Variants in TXNRD2 observed in about 807,000 individuals in gnomAD.
TXNRD2 encodes the protein thioredoxin reductase 2, mitochondrial.
A neutral mutation model predicts 70.8 loss-of-function variants in TXNRD2; 67 were observed. The observed-to-expected ratio is 0.95, with a 90% confidence interval of 0.78 to 1.16. TXNRD2 has a LOEUF of 1.16. Ranked by LOEUF, TXNRD2 falls within the 50% of genes most tolerant of loss-of-function variation. TXNRD2 has a pLI of 0.00. For synonymous variants in TXNRD2, 301 were observed against 295.8 expected (o/e 1.02, Z -0.18); for missense variants, 644 against 719.9 (o/e 0.89, Z 1.21).
chr22:19,905,336 A>G (rs1450909187), intron 8 of TXNRD2, among the ~76,000 whole-genome samples: 4 of 152,196 alleles, frequency 2.6e-5, no homozygotes, highest in Admixed American at 6.5e-5. Flanking sequence ...AAAATCTTCT[A>G]AATGTTTTTT....
chr22:19,934,435 C>T (rs1941475000), intron 1 of TXNRD2, among the ~76,000 whole-genome samples: 1 of 151,328 alleles, frequency 6.6e-6, no homozygotes, highest in Non-Finnish European at 1.5e-5. Context: ...TGGCTCACAC[C>T]TGTGTTGCAG....
chr22:19,898,510 CTTT>C (rs386394954), intron 9 of TXNRD2, among the ~76,000 whole-genome samples: 3,198 of 94,394 alleles, frequency 0.034, 120 homozygotes, highest in African/African-American at 0.13. Flanking sequence ...CGGCTTGGGG[CTTT>C]TTTTTTTTTT....
chr22:19,909,128 C>T (rs2146012796), intron 8 of TXNRD2, among the ~76,000 whole-genome samples: 1 of 151,522 alleles, frequency 6.6e-6, no homozygotes, highest in African/African-American at 2.4e-5. Context: ...ATCGCTTGAA[C>T]CCGGGAGGCA....
chr22:19,898,026 C>T lies in TXNRD2; in HGVS notation c.774+13G>A. 6.5e-7 allele frequency: 1 copy of T among 1,549,850 alleles called. No individual in the cohort carries two copies. Among genetic ancestry groups the T allele is most frequent in the Non-Finnish European group, 8.7e-7 (1 of 1,147,456 alleles). On this transcript the variant is annotated intron_variant, in intron 10 of 17. Transcript: ENST00000400521. The stretch of plus-strand genomic sequence containing the variant: ...AGAGCCACAGGGGCGGGAGCTGGGG[C>T]CTCCAGCACTACCTGGTCGAAGCCG...
intron 11 of TXNRD2, 175 bp downstream of exon 11, chr22:19,895,232 T>C: frequency 6.3e-7 from 1 of 1,595,682 alleles, no homozygotes; most frequent in African/African-American, 1.3e-5. Context: ...CAGCCTAGTG[T>C]GAGTGCCGCC....
intron 11 of TXNRD2, among the ~76,000 whole-genome samples, chr22:19,888,937 C>A (rs1274409767): frequency 6.6e-6 from 1 of 151,728 alleles, no homozygotes; most frequent in South Asian, 2.1e-4. Flanking sequence ...GGCCCCTACC[C>A]GCAGCTATGA....
intron 1 of TXNRD2, among the ~76,000 whole-genome samples, chr22:19,936,625 C>G (rs1434913126): frequency 6.6e-6 from 1 of 152,272 alleles, no homozygotes; most frequent in African/African-American, 2.4e-5. Context: ...GCCATCCACT[C>G]AACCTGCTTC....
At chr22:19,892,590 G>A (rs560367729) in intron 11 of TXNRD2, among the ~76,000 whole-genome samples, 4 of 152,372 alleles carry the variant, frequency 2.6e-5, no homozygotes, top group Admixed American at 1.3e-4. Flanking sequence ...CTGACGCCCC[G>A]GCTTTCCGGG....
At chr22:19,888,972 C>T (rs527933532) in intron 11 of TXNRD2, among the ~76,000 whole-genome samples, 2 of 151,790 alleles carry the variant, frequency 1.3e-5, no homozygotes, top group African/African-American at 4.8e-5. Context: ...AGGGGACGCA[C>T]CTGCCCTGCT....
At chr22:19,931,706 T>C (rs1385610504) in intron 1 of TXNRD2, among the ~76,000 whole-genome samples, 1 of 152,128 alleles carries the variant, frequency 6.6e-6, no homozygotes, top group Non-Finnish European at 1.5e-5. Flanking sequence ...TCTGGCTATG[T>C]TGCCCAGGCT....
intron 11 of TXNRD2, among the ~76,000 whole-genome samples, chr22:19,892,633 C>T (rs1939315989): frequency 6.6e-6 from 1 of 152,232 alleles, no homozygotes; most frequent in South Asian, 2.1e-4. Flanking sequence ...TCTGCTACAT[C>T]CCTATGGGCT....
At chr22:19,876,573 T>C (rs999451184) in intron 17 of TXNRD2, 1 of 152,414 alleles carries the variant, frequency 6.6e-6, no homozygotes, top group African/African-American at 2.4e-5. Context: ...GGGCCGGCCA[T>C]CACAGGGCAG....
chr22:19,883,301 C>T, intron 12 of TXNRD2, 24 bp downstream of exon 12: 1 of 1,610,000 alleles, frequency 6.2e-7, no homozygotes, highest in South Asian at 1.1e-5. Context: ...GGCAGGGGCC[C>T]TGGTCCCGGG....
intron 8 of TXNRD2, among the ~76,000 whole-genome samples, chr22:19,901,621 C>G (rs767670957): frequency 6.6e-6 from 1 of 152,170 alleles, no homozygotes; most frequent in Non-Finnish European, 1.5e-5. Context: ...ACAGAGAACT[C>G]CGTTCAGACC....
At chr22:19,924,195 A>G (rs1293952994) in intron 2 of TXNRD2, among the ~76,000 whole-genome samples, 1 of 151,994 alleles carries the variant, frequency 6.6e-6, no homozygotes, top group Admixed American at 6.6e-5. Context: ...GTGTATCCCC[A>G]GACCCTCCGA....
chr22:19,935,518 TTTTGCCCTTTGAAGCATGTGATCTTTG>T (rs1429302101), intron 1 of TXNRD2, among the ~76,000 whole-genome samples: 1 of 152,134 alleles, frequency 6.6e-6, no homozygotes, highest in Non-Finnish European at 1.5e-5. Flanking sequence ...TTGCTCTGCC[TTTTGCCCTTTGAAGCATGTGATCTTTG>T]TGACCTACTC....
intron 8 of TXNRD2, among the ~76,000 whole-genome samples, chr22:19,903,475 G>A (rs1035720313): frequency 1.3e-5 from 2 of 152,210 alleles, no homozygotes; most frequent in African/African-American, 4.8e-5. Context: ...GGCACTGAGG[G>A]AGAAGACGAA....
chr22:19,936,936 C>T (rs1393394123), intron 1 of TXNRD2, among the ~76,000 whole-genome samples: 1 of 152,116 alleles, frequency 6.6e-6, no homozygotes, highest in Non-Finnish European at 1.5e-5. Flanking sequence ...TCCTAATGCT[C>T]AAGGGGTACA....
intron 1 of TXNRD2, 104 bp from the exon 2 acceptor site, chr22:19,931,202 T>C: frequency 9.9e-7 from 1 of 1,014,454 alleles, no homozygotes. Context: ...TGGTCAGGGG[T>C]GACAAGACAC....
Sources: gnomAD v4.1 joint callset for allele counts (sites outside exome capture counted in the v4.1 genomes callset) on GRCh38, gnomAD v4.1.1 for gene constraint, MANE v1.5 for transcripts, NCBI Gene and HGNC (gene_info 2026-07-23, HGNC 2026-07-21) for gene names.